Variants in PLCB1 observed in about 807,000 individuals in gnomAD.
The protein encoded by PLCB1 is phospholipase C beta 1.
PLCB1 carries 46 observed loss-of-function variants against 161.8 expected under a neutral mutation model. The observed-to-expected ratio is 0.28, with a 90% confidence interval of 0.22 to 0.36. The LOEUF (loss-of-function observed/expected upper bound fraction) is 0.36. PLCB1 is among the 10% of genes least tolerant of loss of function. PLCB1 has a pLI of 1.00. For missense variants in PLCB1, 1,016 were observed against 1,472.5 expected (o/e 0.69, Z 5.07); for synonymous variants, 517 against 503.7 (o/e 1.03, Z -0.35).
At chr20:8,523,496 CTATATATATA>C (rs777011717) in intron 3 of PLCB1, among the ~76,000 whole-genome samples, 3 of 51,654 alleles carry the variant, frequency 5.8e-5, no homozygotes, top group African/African-American at 1.6e-4. Flanking sequence ...CTCTCTCTCT[CTATATATATA>C]TATATATATA....
intron 2 of PLCB1, among the ~76,000 whole-genome samples, chr20:8,294,657 G>A (rs1006762695): frequency 8.0e-5 from 12 of 150,224 alleles, no homozygotes; most frequent in African/African-American, 1.2e-4. Context: ...TGATAAGATG[G>A]CCTTATCAGA....
chr20:8,658,681 C>G lies in PLCB1; in HGVS notation c.839C>G (p.Pro280Arg). Reference sequence around the variant, plus strand: ...CAAGTATTGATTGAGAAGTATGAACCCAACAACAGCCTCGCCAGAAAAGGT... The same window carrying G: ...CAAGTATTGATTGAGAAGTATGAACGCAACAACAGCCTCGCCAGAAAAGGT... The part of the protein sequence containing the change: ...QVQVLIEKYE[P>R]NNSLARKGQI... The change falls in exon 9 of 32, where the codon CCC becomes CGC. Residue 280 changes from proline to arginine, a missense_variant. Physicochemically the swap from Pro to Arg is moderately radical, Grantham distance 103. Around this residue, in one of 10 missense-constraint regions of PLCB1, gnomAD observed 117 missense variants for 142.2 expected, o/e 0.82. Transcript: ENST00000338037. 6.2e-7 allele frequency: 1 copy of G among 1,605,742 alleles called. No individual in the cohort carries two copies. Among genetic ancestry groups the G allele is most frequent in the Non-Finnish European group, 8.5e-7 (1 of 1,177,396 alleles).
chr20:8,843,530 TCATAGGCATATTCACTTA>T (rs1379301847), intron 31 of PLCB1, among the ~76,000 whole-genome samples: 1 of 152,162 alleles, frequency 6.6e-6, no homozygotes, highest in Non-Finnish European at 1.5e-5. Flanking sequence ...ACAACCCCCA[TCATAGGCATATTCACTTA>T]TTTGTGTGTT....
At chr20:8,744,616 T>TAAATAAAATAAAATTAAATTAAAATA (rs1555787571) in intron 23 of PLCB1, among the ~76,000 whole-genome samples, 1 of 121,222 alleles carries the variant, frequency 8.2e-6, no homozygotes, top group East Asian at 2.2e-4. Flanking sequence ...AAAAATAAAA[T>TAAATAAAATAAAATTAAATTAAAATA]AAATAAAATA....
chr20:8,793,694 A>G (rs1983880722), intron 31 of PLCB1, among the ~76,000 whole-genome samples: 1 of 152,252 alleles, frequency 6.6e-6, no homozygotes, highest in East Asian at 1.9e-4. Context: ...ACAGGACCAC[A>G]GGACCACAGG....
chr20:8,564,472 A>G lies in PLCB1; in HGVS notation c.247-63822A>G, dbSNP rs563805183. 3.9e-3 allele frequency among the ~76,000 whole-genome samples: 588 copies of G among 152,334 alleles called. 2 individuals are homozygous for G. The highest frequency in any genetic ancestry group is 0.013 in the African/African-American group (544 of 41,568). On this transcript the variant is annotated intron_variant, in intron 3 of 31. Transcript: ENST00000338037. The stretch of plus-strand genomic sequence containing the variant: ...ACCAAAAGCAATGGCAATAGAAGCC[A>G]AAATTGACAAATGGGACCTAATTAA...
intron 7 of PLCB1, among the ~76,000 whole-genome samples, chr20:8,656,394 T>C (rs1431137051): frequency 6.6e-6 from 1 of 152,034 alleles, no homozygotes; most frequent in Non-Finnish European, 1.5e-5. Context: ...GAAGGGTGTG[T>C]TCTTTTGTTT....
chr20:8,636,903 C>T (rs1231273203), intron 4 of PLCB1, among the ~76,000 whole-genome samples: 5 of 152,036 alleles, frequency 3.3e-5, no homozygotes, highest in South Asian at 2.1e-4. Flanking sequence ...TCCTTCCATC[C>T]ACTCCATTGC....
At chr20:8,237,697 T>C (rs1980396980) in intron 2 of PLCB1, among the ~76,000 whole-genome samples, 1 of 152,102 alleles carries the variant, frequency 6.6e-6, no homozygotes, top group African/African-American at 2.4e-5. Flanking sequence ...ACTACTTAAT[T>C]GGCTAATCTA....
intron 2 of PLCB1, among the ~76,000 whole-genome samples, chr20:8,289,062 G>C (rs1983262715): frequency 6.6e-6 from 1 of 152,152 alleles, no homozygotes; most frequent in Admixed American, 6.5e-5. Context: ...ATGCCCAACT[G>C]TAGTGGATGC....
chr20:8,706,795 C>T (rs534867286), intron 11 of PLCB1, among the ~76,000 whole-genome samples: 1 of 152,252 alleles, frequency 6.6e-6, no homozygotes, highest in African/African-American at 2.4e-5. Flanking sequence ...AATATCTCTG[C>T]ACCTTAGTTG....
intron 3 of PLCB1, among the ~76,000 whole-genome samples, chr20:8,463,365 A>T (rs1262815068): frequency 6.6e-6 from 1 of 151,994 alleles, no homozygotes; most frequent in Non-Finnish European, 1.5e-5. Context: ...ATAACCACTG[A>T]TCTGAATTTT....
chr20:8,869,158 T>C (rs1192599916), intron 31 of PLCB1, among the ~76,000 whole-genome samples: 1 of 152,010 alleles, frequency 6.6e-6, no homozygotes, highest in Non-Finnish European at 1.5e-5. Flanking sequence ...AGTAACTTTC[T>C]GTTTGACAAA....
chr20:8,201,557 G>C (rs1168252956), intron 2 of PLCB1, among the ~76,000 whole-genome samples: 1 of 152,012 alleles, frequency 6.6e-6, no homozygotes, highest in African/African-American at 2.4e-5. Context: ...TTATGATTTG[G>C]TACTTAATGC....
At chr20:8,261,293 C>T (rs1239240739) in intron 2 of PLCB1, among the ~76,000 whole-genome samples, 1 of 152,104 alleles carries the variant, frequency 6.6e-6, no homozygotes, top group Non-Finnish European at 1.5e-5. Context: ...GAACTTCATA[C>T]ACTTGCCGCG....
intron 3 of PLCB1, among the ~76,000 whole-genome samples, chr20:8,383,087 T>C (rs1163976258): frequency 6.6e-6 from 1 of 152,164 alleles, no homozygotes; most frequent in Admixed American, 6.5e-5. Context: ...CTGAATATAC[T>C]TGTAAATTTT....
intron 19 of PLCB1, among the ~76,000 whole-genome samples, chr20:8,734,571 T>C (rs911695071): frequency 2.0e-5 from 3 of 151,942 alleles, no homozygotes; most frequent in African/African-American, 7.2e-5. Flanking sequence ...AAATCATAGA[T>C]ATATACACAT....
At chr20:8,864,022 T>C (rs1396746778) in intron 31 of PLCB1, among the ~76,000 whole-genome samples, 1 of 152,238 alleles carries the variant, frequency 6.6e-6, no homozygotes, top group East Asian at 1.9e-4. Context: ...TCAAGAGATA[T>C]CTTCAATTTT....
At chr20:8,398,050 T>C (rs971875250) in intron 3 of PLCB1, among the ~76,000 whole-genome samples, 4 of 152,116 alleles carry the variant, frequency 2.6e-5, no homozygotes, top group African/African-American at 9.7e-5. Context: ...CCCCTTGCAG[T>C]GTATTACAGA....
Sources: allele counts gnomAD v4.1 joint callset (sites outside exome capture counted in the v4.1 genomes callset), GRCh38; gene constraint gnomAD v4.1.1; regional missense constraint gnomAD v4.1.1; transcripts MANE v1.5; gene names NCBI Gene and HGNC (gene_info 2026-07-23, HGNC 2026-07-21).